Variants in RSF1 observed in about 807,000 individuals in gnomAD.
The protein encoded by RSF1 is HBV pX-associated protein 8.
Under a neutral mutation model 145.2 loss-of-function variants are expected in RSF1, and 13 were observed. The ratio of observed to expected loss-of-function variants is 0.09; its 90% CI spans 0.06 to 0.14. The LOEUF is 0.14. Ranked by LOEUF, RSF1 falls within the 10% of genes least tolerant of loss-of-function variation. The pLI is 1.00. For synonymous variants in RSF1, 577 were observed against 592.6 expected (o/e 0.97, Z 0.38); for missense variants, 1,517 against 1,718.2 (o/e 0.88, Z 2.07).
chr11:77,810,218 C>T (rs940016885), intron 1 of RSF1, among the ~76,000 whole-genome samples: 1 of 152,168 alleles, frequency 6.6e-6, no homozygotes, highest in African/African-American at 2.4e-5. Context: ...CTAATCAGTC[C>T]ACTTGGATAA....
At chr11:77,813,465 AC>A in intron 1 of RSF1, 1 of 1,118,842 alleles carries the variant, frequency 8.9e-7, no homozygotes, top group Non-Finnish European at 1.3e-6. Context: ...TAGAACCTTC[AC>A]CACAAGGACT....
At chr11:77,687,085 G>A (rs1960029295) in intron 9 of RSF1, among the ~76,000 whole-genome samples, 1 of 152,146 alleles carries the variant, frequency 6.6e-6, no homozygotes, top group African/African-American at 2.4e-5. Flanking sequence ...ACTGAATGAC[G>A]ATGGCTAGAA....
chr11:77,823,231 A>AAAAAAAAAAAAG (rs1565193296), upstream of RSF1, among the ~76,000 whole-genome samples: 1 of 150,936 alleles, frequency 6.6e-6, no homozygotes, highest in Non-Finnish European at 1.5e-5. Context: ...AAAAAAAAAA[A>AAAAAAAAAAAAG]AAAGAAATTA....
At chr11:77,813,347 T>C (rs895000896) in intron 1 of RSF1, 1 of 920,682 alleles carries the variant, frequency 1.1e-6, no homozygotes. Flanking sequence ...GACTTTCACC[T>C]CAACTCCCGG....
intron 1 of RSF1, among the ~76,000 whole-genome samples, chr11:77,770,943 T>C (rs1948276315): frequency 6.6e-6 from 1 of 152,184 alleles, no homozygotes; most frequent in African/African-American, 2.4e-5. Context: ...CTGCTTATAC[T>C]TATATAACCA....
At chr11:77,671,675 C>T (rs1446019232) in intron 15 of RSF1, among the ~76,000 whole-genome samples, 1 of 150,340 alleles carries the variant, frequency 6.7e-6, no homozygotes, top group Non-Finnish European at 1.5e-5. Context: ...TGCTCTGTCA[C>T]CCAGGGTGGA....
At chr11:77,760,912 TCTTTC>T (rs1343389145) in intron 2 of RSF1, among the ~76,000 whole-genome samples, 2 of 151,954 alleles carry the variant, frequency 1.3e-5, no homozygotes, top group African/African-American at 4.8e-5. Flanking sequence ...TAGGTTATTT[TCTTTC>T]TTTTTTTTTT....
At chr11:77,819,558 T>C (rs540190609) in intron 1 of RSF1, among the ~76,000 whole-genome samples, 1 of 152,302 alleles carries the variant, frequency 6.6e-6, no homozygotes, top group African/African-American at 2.4e-5. Flanking sequence ...ACACCAATAA[T>C]AGACCAGCGG....
rs1959271322 is a variant in RSF1, at chr11:77,663,087, G to C, written c.*3830C>G. On this transcript the variant is annotated 3_prime_UTR_variant, in exon 16 of 16. Coordinates refer to ENST00000308488, the MANE Select transcript of RSF1 (RefSeq NM_016578.4). ...GTCTTTGAATAGTTGTTCTATAGCT[G>C]TGAGGCATCACCTTGAATAACGGGC... is the stretch of plus-strand genomic sequence containing the variant. 1 of 152,168 alleles carries C rather than the reference G, an allele frequency of 6.6e-6. No individual in the cohort carries two copies. Among genetic ancestry groups the C allele is most frequent in the Non-Finnish European group, 1.5e-5 (1 of 68,012 alleles). 9.4% of individuals were successfully genotyped at this position (152,168 alleles called of 1,614,324 possible).
At chr11:77,833,278 G>A in the RSF1 span, among the ~76,000 whole-genome samples, 1 of 151,784 alleles carries the variant, frequency 6.6e-6, no homozygotes, top group African/African-American at 2.4e-5. Context: ...TTATACAACT[G>A]ACCATAATAC....
intron 8 of RSF1, among the ~76,000 whole-genome samples, chr11:77,692,069 T>TTA (rs1215423725): frequency 1.3e-5 from 2 of 151,960 alleles, no homozygotes; most frequent in Non-Finnish European, 2.9e-5. Context: ...TTTTGTACTT[T>TTA]TAGTAGAGAT....
chr11:77,797,419 C>T (rs1590892872), intron 1 of RSF1, among the ~76,000 whole-genome samples: 1 of 152,210 alleles, frequency 6.6e-6, no homozygotes, highest in African/African-American at 2.4e-5. Flanking sequence ...GGAAAAGATC[C>T]CCTATTTAAT....
chr11:77,678,676 A>G (rs1284427409), intron 11 of RSF1, among the ~76,000 whole-genome samples: 1 of 152,186 alleles, frequency 6.6e-6, no homozygotes, highest in Non-Finnish European at 1.5e-5. Context: ...CCCATATAAA[A>G]GAAGCCAGAG....
chr11:77,725,671 C>A lies in RSF1; in HGVS notation c.607G>T (p.Ala203Ser). The change falls in exon 5 of 16, where the codon GCA becomes TCA. Residue 203 changes from alanine to serine, a missense_variant. By Grantham distance (99) the Ala-to-Ser change is moderately conservative. Transcript: ENST00000308488. Reference sequence around the variant, plus strand: ...GGATCAATTTGTGCTTTCAGGAGTGCAAGAGTCTCAGCCAACTCGTTTCGA... The same window carrying A: ...GGATCAATTTGTGCTTTCAGGAGTGAAAGAGTCTCAGCCAACTCGTTTCGA... ...RNRNELAETL[A>S]LLKAQIDPVL... 2 of 1,592,468 alleles carry A rather than the reference C, an allele frequency of 1.3e-6. No individual in the cohort carries two copies. Among genetic ancestry groups the A allele is most frequent in the Admixed American group, 1.7e-5 (1 of 57,524 alleles).
chr11:77,671,138 AATATATATATATATATATAT>A lies in RSF1; in HGVS notation c.3751+884_3751+903del, dbSNP rs1225103987. 6.9e-3 allele frequency among the ~76,000 whole-genome samples: 153 copies of A among 22,044 alleles called. 3 individuals are homozygous for A. Among genetic ancestry groups the A allele is most frequent in the Admixed American group, 0.016 (17 of 1,070 alleles). The allele number at this position is 22,044 out of a possible 152,430, so 14.5% of individuals were successfully genotyped here. A position where few individuals can be genotyped will look rare whatever the true frequency, so the allele number is the denominator to read the frequency against. On this transcript the variant is annotated intron_variant, in intron 15 of 15. Transcript: ENST00000308488. ...AAAAAAAAAAAAAAAAAAAAAAAAA[AATATATATATATATATATAT>A]ATATATATATATATATATATTTATA...
chr11:77,713,777 T>C (rs1294378744), intron 5 of RSF1, among the ~76,000 whole-genome samples: 1 of 152,228 alleles, frequency 6.6e-6, no homozygotes, highest in Non-Finnish European at 1.5e-5. Flanking sequence ...CAGATGTTTA[T>C]CTTAATCTTT....
rs11237272 is a variant in RSF1, at chr11:77,713,223, G to A, written c.734-10728C>T. On this transcript the variant is annotated intron_variant, in intron 5 of 15. Transcript: ENST00000308488. ...TTTTGGCTATCTAAAGCTCATTCACGAGAAGATTCCTATACAAAACACTCA... is the reference window on the plus strand; with the variant it reads ...TTTTGGCTATCTAAAGCTCATTCACAAGAAGATTCCTATACAAAACACTCA... 5.0e-3 allele frequency among the ~76,000 whole-genome samples: 767 copies of A among 151,992 alleles called. 18 individuals carry two copies. The highest frequency in any genetic ancestry group is 0.041 in the East Asian group (213 of 5,170).
At chr11:77,843,331 T>G in the RSF1 span, among the ~76,000 whole-genome samples, 4 of 152,300 alleles carry the variant, frequency 2.6e-5, no homozygotes, top group Non-Finnish European at 5.9e-5. Flanking sequence ...TGAGTGTAAG[T>G]TGGGCAAAAC....
chr11:77,858,637 A>G, the RSF1 span, among the ~76,000 whole-genome samples: 1 of 151,968 alleles, frequency 6.6e-6, no homozygotes, highest in Non-Finnish European at 1.5e-5. Flanking sequence ...CCCCCTCTCA[A>G]CAGGAAAACC....
Sources: allele counts gnomAD v4.1 joint callset (sites outside exome capture counted in the v4.1 genomes callset), GRCh38; gene constraint gnomAD v4.1.1; transcripts MANE v1.5; gene names NCBI Gene and HGNC (gene_info 2026-07-23, HGNC 2026-07-21).